SNX29: variants seen among roughly 807,000 people sequenced by gnomAD.
The protein encoded by SNX29 is sorting nexin 29, also known as sorting nexin-29.
Under a neutral mutation model 102.1 loss-of-function variants are expected in SNX29, and 78 were observed. The observed-to-expected ratio is 0.76, with a 90% confidence interval of 0.64 to 0.92. SNX29 has a LOEUF of 0.92. SNX29 is among the 40% of genes least tolerant of loss of function. SNX29 has a pLI of 0.00. For synonymous variants in SNX29, 580 were observed against 414.5 expected (o/e 1.40, Z -4.85); for missense variants, 1,280 against 1,061.7 (o/e 1.21, Z -2.86).
chr16:12,117,599 AG>A (rs1269345424), intron 11 of SNX29, among the ~76,000 whole-genome samples: 1 of 152,232 alleles, frequency 6.6e-6, no homozygotes, highest in Admixed American at 6.5e-5. Context: ...TGTGGATCAG[AG>A]GTTGCCAGGG....
At chr16:11,982,603 G>T (rs895157772) in intron 1 of SNX29, among the ~76,000 whole-genome samples, 9 of 151,906 alleles carry the variant, frequency 5.9e-5, no homozygotes, top group Admixed American at 3.3e-4. Flanking sequence ...CTAATTTTTT[G>T]TATTTTTAGT....
chr16:12,571,334 A>G lies in SNX29; in HGVS notation c.*2705A>G, dbSNP rs1165204315. Reference sequence around the variant, plus strand: ...TCAACTGCCTGTCAGCCTGGATTCAATTCTGAGGGCTAAGCCACGACCTTA... The same window carrying G: ...TCAACTGCCTGTCAGCCTGGATTCAGTTCTGAGGGCTAAGCCACGACCTTA... On this transcript the variant is annotated 3_prime_UTR_variant, in exon 21 of 21. Transcript: ENST00000566228. 2 of 231,506 alleles carry G rather than the reference A, an allele frequency of 8.6e-6. No individual in the cohort carries two copies. Among genetic ancestry groups the G allele is most frequent in the Non-Finnish European group, 1.7e-5 (2 of 117,060 alleles). 14.3% of individuals were successfully genotyped at this position (231,506 alleles called of 1,614,324 possible).
Position 12,568,733 on chromosome 16 carries a change from G to A in SNX29, c.*104G>A, listed in dbSNP as rs971430299. ...CTCAGCGTGACAACCACGTCCACCTGGTGATCCTGAGAGCACACGATTCCC... is the reference window on the plus strand; with the variant it reads ...CTCAGCGTGACAACCACGTCCACCTAGTGATCCTGAGAGCACACGATTCCC... On this transcript the variant is annotated 3_prime_UTR_variant, in exon 21 of 21. Coordinates refer to ENST00000566228, the MANE Select transcript of SNX29 (RefSeq NM_032167.5). 1.4e-6 allele frequency: 2 copies of A among 1,480,770 alleles called. No individual in the cohort carries two copies. Among genetic ancestry groups the A allele is most frequent in the East Asian group, 4.8e-5 (2 of 41,702 alleles). The allele number at this position is 1,480,770 out of a possible 1,614,324, so 91.7% of individuals were successfully genotyped here.
intron 13 of SNX29, chr16:12,135,437 C>T (rs544244614): frequency 3.6e-6 from 4 of 1,125,608 alleles, no homozygotes; most frequent in Non-Finnish European, 4.8e-6. Context: ...TTGGGTTGCT[C>T]CATCCATGAG....
At chr16:12,510,641 C>T (rs150413075) in intron 19 of SNX29, among the ~76,000 whole-genome samples, 4,185 of 152,026 alleles carry the variant, frequency 0.028, 141 homozygotes, top group African/African-American at 0.077. Context: ...CCACTGCACT[C>T]CAGCCTGGGC....
At chr16:12,377,334 C>T (rs2082912851) in intron 16 of SNX29, among the ~76,000 whole-genome samples, 1 of 152,200 alleles carries the variant, frequency 6.6e-6, no homozygotes, top group Non-Finnish European at 1.5e-5. Flanking sequence ...TGGGCCACTG[C>T]TCTGTGTTGT....
intron 14 of SNX29, among the ~76,000 whole-genome samples, chr16:12,253,332 CAG>C (rs1358818900): frequency 1.3e-5 from 2 of 152,158 alleles, no homozygotes; most frequent in Non-Finnish European, 2.9e-5. Flanking sequence ...GTGAATAAAA[CAG>C]ATAAAAATTC....
At chr16:12,435,385 G>A (rs1273083897) in intron 18 of SNX29, among the ~76,000 whole-genome samples, 1 of 152,206 alleles carries the variant, frequency 6.6e-6, no homozygotes, top group African/African-American at 2.4e-5. Context: ...GATGACCAGC[G>A]AGGAGACGGT....
At chr16:12,031,401 T>C (rs2057338574) in intron 4 of SNX29, among the ~76,000 whole-genome samples, 1 of 151,982 alleles carries the variant, frequency 6.6e-6, no homozygotes, top group African/African-American at 2.4e-5. Context: ...GCTCTCCTAG[T>C]TTCTGTTGTC....
chr16:12,242,761 C>T (rs2078150350), intron 14 of SNX29, among the ~76,000 whole-genome samples: 1 of 151,940 alleles, frequency 6.6e-6, no homozygotes. Context: ...TCCAGCAATC[C>T]TCCCACCTCA....
intron 20 of SNX29, chr16:12,557,441 A>C (rs868826812): frequency 2.0e-5 from 3 of 152,168 alleles, no homozygotes; most frequent in African/African-American, 7.2e-5. Context: ...GGCTCACTGC[A>C]ACCTCCTCCT....
rs764733719 is a variant in SNX29, at chr16:12,569,571, TAA to T, written c.*946_*947del. The T allele has an allele frequency of 7.8e-5, 18 of 230,694 alleles. No homozygotes were observed. The highest frequency in any genetic ancestry group is 1.1e-4 in the Admixed American group (2 of 17,680). 14.3% of individuals were successfully genotyped at this position (230,694 alleles called of 1,614,324 possible). A position where few individuals can be genotyped will look rare whatever the true frequency, so the allele number is the denominator to read the frequency against. On this transcript the variant is annotated 3_prime_UTR_variant, in exon 21 of 21. Transcript: ENST00000566228. ...CTTAACAGATCATGTGTCTCTCCACTAAAAACATTTTCCATCCCGTCTGCCCC... is the reference window on the plus strand; with the variant it reads ...CTTAACAGATCATGTGTCTCTCCACTAAACATTTTCCATCCCGTCTGCCCC...
intron 14 of SNX29, among the ~76,000 whole-genome samples, chr16:12,262,082 G>A (rs566442446): frequency 2.7e-5 from 4 of 150,070 alleles, no homozygotes; most frequent in African/African-American, 7.4e-5. Context: ...GTCTGTGCGC[G>A]CGTCCCCGGC....
At chr16:12,188,408 A>T (rs571286111) in intron 13 of SNX29, among the ~76,000 whole-genome samples, 1 of 152,152 alleles carries the variant, frequency 6.6e-6, no homozygotes, top group African/African-American at 2.4e-5. Flanking sequence ...TAATGGCACA[A>T]AGTGCTGAAA....
chr16:12,527,453 C>CAAATGTTGATTT, intron 20 of SNX29: 1 of 429,116 alleles, frequency 2.3e-6, no homozygotes. Context: ...TTGGTTCTTT[C>CAAATGTTGATTT]AAATGTTGAT....
At chr16:12,103,069 G>T (rs891189720) in intron 11 of SNX29, among the ~76,000 whole-genome samples, 8 of 152,148 alleles carry the variant, frequency 5.3e-5, no homozygotes, top group African/African-American at 1.9e-4. Flanking sequence ...CAAACAAATG[G>T]AAAAACATTC....
At chr16:12,129,224 C>A (rs1039888360) in intron 12 of SNX29, among the ~76,000 whole-genome samples, 6 of 152,192 alleles carry the variant, frequency 3.9e-5, no homozygotes, top group African/African-American at 7.2e-5. Context: ...TTTGGCCTCT[C>A]CTGGCATCCT....
intron 14 of SNX29, among the ~76,000 whole-genome samples, chr16:12,220,173 G>A (rs2077438759): frequency 6.6e-6 from 1 of 152,224 alleles, no homozygotes; most frequent in South Asian, 2.1e-4. Context: ...TTATTTCACA[G>A]AGCTGAGAAG....
intron 3 of SNX29, 128 bp from the exon 4 acceptor site, chr16:12,027,192 G>T: frequency 9.1e-7 from 1 of 1,102,554 alleles, no homozygotes; most frequent in South Asian, 1.5e-5. Flanking sequence ...GCACATCCAG[G>T]TGTCTCCTGT....
Sources: gnomAD v4.1 joint callset for allele counts (sites outside exome capture counted in the v4.1 genomes callset) on GRCh38, gnomAD v4.1.1 for gene constraint, MANE v1.5 for transcripts, NCBI Gene and HGNC (gene_info 2026-07-23, HGNC 2026-07-21) for gene names.